The following INSR variants were observed in gnomAD, a reference collection of about 807,000 sequenced individuals.
The protein encoded by INSR is IR.
INSR carries 67 observed loss-of-function variants against 142.6 expected under a neutral mutation model. That is an observed-to-expected ratio of 0.47 (90% CI 0.39 to 0.58). The LOEUF is 0.58. Ranked by LOEUF, INSR falls within the 20% of genes least tolerant of loss-of-function variation. INSR has a pLI of 0.00. For missense variants in INSR, 1,248 were observed against 1,833.2 expected (o/e 0.68, Z 5.83); for synonymous variants, 756 against 743.1 (o/e 1.02, Z -0.28).
intron 3 of INSR, among the ~76,000 whole-genome samples, chr19:7,179,117 G>C (rs1271759740): frequency 6.6e-6 from 1 of 152,152 alleles, no homozygotes; most frequent in Admixed American, 6.6e-5. Context: ...TCACTATGTT[G>C]TCCAGGCTGG....
At position 7,119,709 on chromosome 19, in the gene INSR, AAC is replaced by A. The variant is rs567260236; in HGVS notation, c.3660-128_3660-127del. 774 of 1,067,120 alleles carry A rather than the reference AAC, an allele frequency of 7.3e-4. No homozygotes were observed. Among genetic ancestry groups the A allele is most frequent in the African/African-American group, 5.7e-3 (368 of 64,204 alleles). The allele number at this position is 1,067,120 out of a possible 1,614,324, so 66.1% of individuals were successfully genotyped here. A position where few individuals can be genotyped will look rare whatever the true frequency, so the allele number is the denominator to read the frequency against. On this transcript the variant is annotated intron_variant, in intron 20 of 21. Transcript: ENST00000302850. This position sits in a 1 kb window ranked among gnomAD's most constrained non-coding sequence, Gnocchi z 5.2. ...ACACACATGCCAACACATACATGCA[AAC>A]ACACACATGCAAACACACACGCACA... is the stretch of plus-strand genomic sequence containing the variant.
rs1242395498 is a variant in INSR, at chr19:7,214,801, TCCTC to T, written c.653-30168_653-30165del. ...TCCCTTTTTTTCTTCCCTCCCTCCC[TCCTC>T]CCTCCCCTCCCTCCCTTTCCTTCCT... On this transcript the variant is annotated intron_variant, in intron 2 of 21. Transcript: ENST00000302850. Among the ~76,000 whole-genome samples the T allele has an allele frequency of 1.3e-4, 8 of 63,686 alleles. No homozygotes were observed. In the East Asian group the frequency reaches 3.4e-3, roughly 27 times the overall value. 41.8% of individuals were successfully genotyped at this position (63,686 alleles called of 152,430 possible). A position where few individuals can be genotyped will look rare whatever the true frequency, so the allele number is the denominator to read the frequency against.
chr19:7,146,048 T>G (rs1973177085), intron 11 of INSR, among the ~76,000 whole-genome samples: 1 of 152,204 alleles, frequency 6.6e-6, no homozygotes, highest in Non-Finnish European at 1.5e-5. Context: ...TTGAAACAGA[T>G]ATGATCTTCC....
intron 9 of INSR, among the ~76,000 whole-genome samples, chr19:7,153,218 C>T (rs1433909695): frequency 2.0e-5 from 1 of 49,084 alleles, no homozygotes; most frequent in African/African-American, 5.3e-5. Context: ...ACACACCACA[C>T]ACACGCACCA....
At chr19:7,283,126 G>A (rs1261034347) in intron 1 of INSR, among the ~76,000 whole-genome samples, 3 of 151,402 alleles carry the variant, frequency 2.0e-5, no homozygotes, top group South Asian at 2.1e-4. Flanking sequence ...CCAGGAGGTC[G>A]AGGCTGCAGT....
intron 2 of INSR, among the ~76,000 whole-genome samples, chr19:7,230,329 G>C (rs996863255): frequency 2.0e-5 from 3 of 152,188 alleles, no homozygotes; most frequent in Non-Finnish European, 4.4e-5. Context: ...TCAGAGCAAA[G>C]CCTGCAGTTC....
Position 7,243,190 on chromosome 19 carries a change from G to C in INSR, c.652+24155C>G, listed in dbSNP as rs147475595. ...ATGAATCACGGCCCATTTCGAAGGA[G>C]AGGTCTGACTGCCTTACGTCACAGC... On this transcript the variant is annotated intron_variant, in intron 2 of 21. Coordinates refer to ENST00000302850, the MANE Select transcript of INSR (RefSeq NM_000208.4). 1.8e-3 allele frequency among the ~76,000 whole-genome samples: 271 copies of C among 148,610 alleles called. 11 individuals carry two copies. In the East Asian group the frequency reaches 0.05, roughly 27 times the overall value.
chr19:7,166,245 G>A lies in INSR; in HGVS notation c.1770C>T (p.Ala590=). The change falls in exon 8 of 22, where the codon GCC becomes GCT. Residue 590 remains alanine, a synonymous_variant. Coordinates refer to ENST00000302850, the MANE Select transcript of INSR (RefSeq NM_000208.4). The surrounding 1 kb of genome is among the most constrained non-coding windows in gnomAD (Gnocchi z 4.1). ...MRGLKPWTQY[A]IFVKTLVTFS... Reference sequence around the variant, plus strand: ...AGGTGACCAGGGTCTTCACAAAGATGGCATACTGGGTCCAGGGCTTGAGAC... The same window carrying A: ...AGGTGACCAGGGTCTTCACAAAGATAGCATACTGGGTCCAGGGCTTGAGAC... 1 of 1,614,134 alleles carries A rather than the reference G, an allele frequency of 6.2e-7. No individual in the cohort carries two copies. The highest frequency in any genetic ancestry group is 8.5e-7 in the Non-Finnish European group (1 of 1,180,030).
intron 2 of INSR, among the ~76,000 whole-genome samples, chr19:7,238,304 ACTTT>A (rs930137630): frequency 6.6e-6 from 1 of 152,132 alleles, no homozygotes; most frequent in Non-Finnish European, 1.5e-5. Context: ...CAGGAGATGG[ACTTT>A]CCATTGATGC....
At chr19:7,173,387 C>T (rs953937243) in intron 4 of INSR, among the ~76,000 whole-genome samples, 4 of 151,542 alleles carry the variant, frequency 2.6e-5, no homozygotes, top group African/African-American at 9.7e-5. Context: ...GGTGTGATCT[C>T]GGCTCACTGC....
intron 2 of INSR, among the ~76,000 whole-genome samples, chr19:7,227,975 GA>G (rs929479670): frequency 4.1e-5 from 6 of 146,406 alleles, no homozygotes; most frequent in Admixed American, 1.4e-4. Context: ...GCATCACCCA[GA>G]AAAAAAAAAG....
At chr19:7,160,482 G>A (rs1973718894) in intron 9 of INSR, among the ~76,000 whole-genome samples, 1 of 151,882 alleles carries the variant, frequency 6.6e-6, no homozygotes, top group Non-Finnish European at 1.5e-5. Context: ...CAGGTATAGT[G>A]TCTCAGGCCT....
intron 4 of INSR, 115 bp from the exon 5 acceptor site, chr19:7,172,549 C>A: frequency 9.2e-7 from 1 of 1,081,896 alleles, no homozygotes; most frequent in South Asian, 1.3e-5. Context: ...ATACCCAGCT[C>A]AAAACTCATC....
rs1167858020 is a variant in INSR, at chr19:7,126,591, G to A, written c.3006C>T (p.Ala1002=). The A allele has an allele frequency of 6.4e-7, 1 of 1,559,156 alleles. No individual in the cohort carries two copies. Among genetic ancestry groups the A allele is most frequent in the Non-Finnish European group, 8.7e-7 (1 of 1,150,056 alleles). The change falls in exon 16 of 22, where the codon GCC becomes GCT. Residue 1002 remains alanine, a synonymous_variant. Coordinates refer to ENST00000302850, the MANE Select transcript of INSR (RefSeq NM_000208.4). ...YASSNPEYLS[A]SDVFPCSVYV... is the part of the protein sequence containing the mutation. ...GGAAGGGATGGTACTCACCATCACT[G>A]GCACTGAGATACTCAGGGTTTGAAG...
rs1431995906 is a variant in INSR, at chr19:7,192,133, G to T, written c.653-7496C>A. Among the ~76,000 whole-genome samples the T allele has an allele frequency of 7.4e-6, 1 of 135,612 alleles. No individual in the cohort carries two copies. The highest frequency in any genetic ancestry group is 1.6e-5 in the Non-Finnish European group (1 of 63,530). 89.0% of individuals were successfully genotyped at this position (135,612 alleles called of 152,430 possible). ...AAAGAAAAGAAAGAGGGAGAAAGAA[G>T]AAAGATAAGAGAGAGAGAAAGAGAA... On this transcript the variant is annotated intron_variant, in intron 2 of 21. Transcript: ENST00000302850. This position sits in a 1 kb window ranked among gnomAD's most constrained non-coding sequence, Gnocchi z 4.2.
At chr19:7,273,956 G>A (rs75094348) in intron 1 of INSR, among the ~76,000 whole-genome samples, 2,738 of 151,832 alleles carry the variant, frequency 0.018, 90 homozygotes, top group African/African-American at 0.062. Flanking sequence ...TCATCCCGTC[G>A]CACTCCAGCC....
rs370717973 is a variant in INSR, at chr19:7,122,896, G to A, written c.3352C>T (p.Leu1118=). Residue 1118 remains leucine, a synonymous_variant, in exon 18 of 22, where the codon CTG becomes TTG. Coordinates refer to ENST00000302850, the MANE Select transcript of INSR (RefSeq NM_000208.4). ...HGDLKSYLRS[L]RPEAENNPGR... is the part of the protein sequence containing the mutation. Reference sequence around the variant, plus strand: ...CAGCTTACCTCAGCCTCTGGCCGCAGAGAACGGAGGTAGCTCTTCAGGTCT... The same window carrying A: ...CAGCTTACCTCAGCCTCTGGCCGCAAAGAACGGAGGTAGCTCTTCAGGTCT... 5 of 1,608,636 alleles carry A rather than the reference G, an allele frequency of 3.1e-6. No homozygotes were observed. In the African/African-American group the frequency reaches 6.7e-5, roughly 22 times the overall value.
chr19:7,265,177 T>C (rs1050045258), intron 2 of INSR, among the ~76,000 whole-genome samples: 4 of 152,188 alleles, frequency 2.6e-5, no homozygotes, highest in South Asian at 4.1e-4. Context: ...GAATGTGGAA[T>C]TGCCTCCTTG....
chr19:7,272,859 G>T (rs4804222), intron 1 of INSR, among the ~76,000 whole-genome samples: 19,173 of 152,030 alleles, frequency 0.13, 1,381 homozygotes, highest in East Asian at 0.27. Flanking sequence ...TGGGATTACA[G>T]GTATGAACCT....
Sources: gnomAD v4.1 joint callset for allele counts (sites outside exome capture counted in the v4.1 genomes callset) on GRCh38, gnomAD v4.1.1 for gene constraint, Gnocchi (gnomAD v3.1) non-coding constraint, MANE v1.5 for transcripts, NCBI Gene and HGNC (gene_info 2026-07-23, HGNC 2026-07-21) for gene names.